Variants in TRRAP observed in about 807,000 individuals in gnomAD.
TRRAP encodes the protein transformation/transcription domain associated protein, also known as transformation/transcription domain-associated protein.
A neutral mutation model predicts 438.8 loss-of-function variants in TRRAP; 41 were observed. That is an observed-to-expected ratio of 0.09 (90% CI 0.07 to 0.12). TRRAP has a LOEUF of 0.12. Ranked by LOEUF, TRRAP falls within the 10% of genes least tolerant of loss-of-function variation. TRRAP has a pLI of 1.00. For synonymous variants in TRRAP, 1,994 were observed against 1,962.9 expected, an observed-to-expected ratio of 1.02 and a Z score of -0.42; for missense variants, 3,122 against 5,055.1, an observed-to-expected ratio of 0.62 and a Z score of 11.60.
At position 98,930,029 on chromosome 7, in the gene TRRAP, C is replaced by T; in HGVS notation, c.3216C>T (p.Pro1072=). ...CTTGCTACCAGGTGGGCAGCCAGCC[C>T]AGCACAGCCATGTTTCACAGTGAAG... is the stretch of plus-strand genomic sequence containing the variant. ...LLPCYQVGSQ[P]STAMFHSEEN... The change falls in exon 24 of 73, where the codon CCC becomes CCT. Residue 1072 remains proline (P), a synonymous_variant. Transcript: ENST00000456197. The T allele has an allele frequency of 6.2e-7, 1 of 1,614,160 alleles. No individual in the cohort carries two copies. The highest frequency in any genetic ancestry group is 8.5e-7 in the Non-Finnish European group (1 of 1,180,048).
chr7:98,895,634 T>G, intron 6 of TRRAP, 130 bp from the exon 7 acceptor site: 3 of 617,132 alleles, frequency 4.9e-6, no homozygotes, highest in African/African-American at 1.9e-5. Flanking sequence ...ATTTGTATCT[T>G]GAGCCCACCA....
In TRRAP at chr7:99,005,293, G is replaced by C; in HGVS notation, c.10698G>C (p.Leu3566=). 1 of 1,614,130 alleles carries C rather than the reference G, an allele frequency of 6.2e-7. No homozygotes were observed. ...EERVLQLLRL[L]NPCLEKRKET... ...GTGTGTTGCAGCTGCTGCGTCTGCT[G>C]AACCCCTGTTTGGAGAAGAGAAAGG... The change falls in exon 69 of 73, where the codon CTG becomes CTC. Residue 3566 remains leucine, a synonymous_variant. Transcript: ENST00000456197. This position sits in a 1 kb window ranked among gnomAD's most constrained non-coding sequence, Gnocchi z 5.1.
At position 98,908,495 on chromosome 7, in the gene TRRAP, T is replaced by C. The variant is rs1554407895; in HGVS notation, c.1116-233T>C. On this transcript the variant is annotated intron_variant, in intron 13 of 72. Transcript: ENST00000456197. The surrounding 1 kb of genome is among the most constrained non-coding windows in gnomAD (Gnocchi z 4.1). ...GTGCCAGCATCTATTAGTAACTTTATGACGTGCACAAAGTTAACCTTTTAG... is the reference window on the plus strand; with the variant it reads ...GTGCCAGCATCTATTAGTAACTTTACGACGTGCACAAAGTTAACCTTTTAG... Among the ~76,000 whole-genome samples the C allele has an allele frequency of 6.6e-6, 1 of 152,240 alleles. No individual in the cohort carries two copies. Among genetic ancestry groups the C allele is most frequent in the Non-Finnish European group, 1.5e-5 (1 of 68,044 alleles).
Position 98,949,450 on chromosome 7 carries a change from C to A in TRRAP, c.4822C>A (p.Arg1608=). The change falls in exon 36 of 73, where the codon CGG becomes AGG. Residue 1608 remains arginine, a synonymous_variant. Coordinates refer to ENST00000456197, the MANE Select transcript of TRRAP (RefSeq NM_001375524.1). ...FLKHKDARPL[R]DVLAANPNRF... is the part of the protein sequence containing the mutation. ...AAAACACAAAGACGCCAGACCTCTG[C>A]GGGATGTGCTGGCTGCCAACCCCAA... 3.1e-6 allele frequency: 5 copies of A among 1,599,476 alleles called. No homozygotes were observed. The highest frequency in any genetic ancestry group is 4.3e-6 in the Non-Finnish European group (5 of 1,175,128).
chr7:98,897,700 G>A lies in TRRAP; in HGVS notation c.508-41G>A, dbSNP rs781863426. 9 of 1,580,774 alleles carry A rather than the reference G, an allele frequency of 5.7e-6. No individual in the cohort carries two copies. In the Admixed American group the frequency reaches 9.2e-5, roughly 16 times the overall value. On this transcript the variant is annotated intron_variant, in intron 7 of 72. Transcript: ENST00000456197. ...TGTTTTGTTTTTGAATGAATATTGGGTTTGACTTTAGGAAAAAATATTTTT... is the reference window on the plus strand; with the variant it reads ...TGTTTTGTTTTTGAATGAATATTGGATTTGACTTTAGGAAAAAATATTTTT...
chr7:98,892,357 T>G, intron 4 of TRRAP, 67 bp from the exon 5 acceptor site: 1 of 1,304,196 alleles, frequency 7.7e-7, no homozygotes, highest in Non-Finnish European at 1.1e-6. Flanking sequence ...TTGCAGAGTG[T>G]GAGATAATTA....
chr7:98,993,773 G>C, intron 66 of TRRAP, 36 bp downstream of exon 66: 1 of 1,604,362 alleles, frequency 6.2e-7, no homozygotes, highest in Non-Finnish European at 8.5e-7. Flanking sequence ...GTGGCTCCTT[G>C]TAGAGGGGAC....
chr7:98,926,125 A>T (rs1426024668), intron 22 of TRRAP, among the ~76,000 whole-genome samples: 1 of 152,230 alleles, frequency 6.6e-6, no homozygotes, highest in Non-Finnish European at 1.5e-5. Flanking sequence ...ACATGCAGAG[A>T]GAGAAAAGAT....
chr7:98,882,662 C>T (rs1795505926), intron 3 of TRRAP, among the ~76,000 whole-genome samples: 1 of 151,664 alleles, frequency 6.6e-6, no homozygotes, highest in Non-Finnish European at 1.5e-5. Context: ...CTCACCTGGC[C>T]TGTTTATTGT....
chr7:98,983,819 C>A (rs1398673246), intron 60 of TRRAP, among the ~76,000 whole-genome samples: 1 of 152,238 alleles, frequency 6.6e-6, no homozygotes, highest in African/African-American at 2.4e-5. Flanking sequence ...CCTGGTCCCC[C>A]TCTTATCCCC....
chr7:98,881,085 C>A lies in TRRAP; in HGVS notation c.-61-5C>A. 7.2e-7 allele frequency: 1 copy of A among 1,386,778 alleles called. No homozygotes were observed. Among genetic ancestry groups the A allele is most frequent in the South Asian group, 1.4e-5 (1 of 73,986 alleles). 85.9% of individuals were successfully genotyped at this position (1,386,778 alleles called of 1,614,324 possible). A position where few individuals can be genotyped will look rare whatever the true frequency, so the allele number is the denominator to read the frequency against. On this transcript the variant is annotated splice_region_variant and splice_polypyrimidine_tract_variant and intron_variant, in intron 1 of 72. Transcript: ENST00000456197. ...AATTGACTAACTCTATGCTTCTTTTCATAGGCTGGTTGAACTCATGGACCT... is the reference window on the plus strand; with the variant it reads ...AATTGACTAACTCTATGCTTCTTTTAATAGGCTGGTTGAACTCATGGACCT...
At chr7:98,891,204 T>TA (rs71799326) in intron 4 of TRRAP, among the ~76,000 whole-genome samples, 45,655 of 68,320 alleles carry the variant, frequency 0.67, 14,703 homozygotes, top group South Asian at 0.76. Flanking sequence ...TATATATATA[T>TA]TTTTTTTTTT....
chr7:98,950,759 C>A, intron 38 of TRRAP, 117 bp from the exon 39 acceptor site: 1 of 1,278,916 alleles, frequency 7.8e-7, no homozygotes, highest in Non-Finnish European at 1.0e-6. Context: ...TAGTCACACC[C>A]TGGGTTGAGT....
chr7:98,942,375 CCCT>C lies in TRRAP; in HGVS notation c.4405-569_4405-567del, dbSNP rs1471904993. On this transcript the variant is annotated intron_variant, in intron 30 of 72. Transcript: ENST00000456197. ...TCCTTCTGTGCTGTCAGGGCCTTTG[CCCT>C]CCTCTTCTCTCTGCCCTTCTGCTTC... Among the ~76,000 whole-genome samples, 6 of 152,334 alleles carry C rather than the reference CCCT, an allele frequency of 3.9e-5. No individual in the cohort carries two copies. In the East Asian group the frequency reaches 1.2e-3, roughly 29 times the overall value.
intron 21 of TRRAP, 86 bp downstream of exon 21, chr7:98,922,039 T>C (rs1167563836): frequency 3.4e-5 from 52 of 1,541,428 alleles, no homozygotes; most frequent in Non-Finnish European, 4.3e-5. Context: ...TAGACCTGTG[T>C]CTTAGGCAAT....
intron 30 of TRRAP, 89 bp from the exon 31 acceptor site, chr7:98,942,860 C>G (rs1209503812): frequency 7.0e-7 from 1 of 1,427,236 alleles, no homozygotes; most frequent in African/African-American, 1.4e-5. Flanking sequence ...TCACACTAAA[C>G]ACGATGGAAA....
Position 98,972,309 on chromosome 7 carries a change from C to T in TRRAP, c.7839+364C>T, listed in dbSNP as rs561189330. Reference sequence around the variant, plus strand: ...CCACCCACCTTGGCCTCCCAAAGTGCTGGGATTATAGGCGTGAAGCAGAGA... The same window carrying T: ...CCACCCACCTTGGCCTCCCAAAGTGTTGGGATTATAGGCGTGAAGCAGAGA... On this transcript the variant is annotated intron_variant, in intron 53 of 72. Transcript: ENST00000456197. 1.2e-4 allele frequency among the ~76,000 whole-genome samples: 19 copies of T among 152,298 alleles called. 1 individual carries two copies. Among genetic ancestry groups the T allele is most frequent in the African/African-American group, 4.6e-4 (19 of 41,554 alleles).
rs999243414 is a variant in TRRAP at position 98,956,783 on chromosome 7, A to T, written c.6231+250A>T. Among the ~76,000 whole-genome samples the T allele has an allele frequency of 6.6e-6, 1 of 152,192 alleles. No individual in the cohort carries two copies. Among genetic ancestry groups the T allele is most frequent in the African/African-American group, 2.4e-5 (1 of 41,456 alleles). On this transcript the variant is annotated intron_variant, in intron 43 of 72. Coordinates refer to ENST00000456197, the MANE Select transcript of TRRAP (RefSeq NM_001375524.1). The surrounding 1 kb of genome is among the most constrained non-coding windows in gnomAD (Gnocchi z 4.5). ...CTGTTGATGATGGTTGATTACTTGC[A>T]GAAAGGCATCTAGAGAAACTCTTTG... is the stretch of plus-strand genomic sequence containing the variant.
chr7:98,940,556 G>A (rs1790754523), intron 30 of TRRAP, among the ~76,000 whole-genome samples: 1 of 152,132 alleles, frequency 6.6e-6, no homozygotes, highest in African/African-American at 2.4e-5. Flanking sequence ...TACGAAGACA[G>A]CTGCCTTAAT....
Sources: allele counts gnomAD v4.1 joint callset (sites outside exome capture counted in the v4.1 genomes callset), GRCh38; gene constraint gnomAD v4.1.1; non-coding constraint Gnocchi (gnomAD v3.1); transcripts MANE v1.5; gene names NCBI Gene and HGNC (gene_info 2026-07-23, HGNC 2026-07-21).